Variants in ROBO2 observed in about 807,000 individuals in gnomAD.
ROBO2 encodes roundabout homolog 2.
A neutral mutation model predicts 160.8 loss-of-function variants in ROBO2; 53 were observed. The ratio of observed to expected loss-of-function variants is 0.33; its 90% CI spans 0.26 to 0.41. ROBO2 has a LOEUF of 0.41. Ranked by LOEUF, ROBO2 falls within the 10% of genes least tolerant of loss-of-function variation. ROBO2 has a pLI of 1.00. For missense variants in ROBO2, 1,577 were observed against 1,722.4 expected (o/e 0.92, Z 1.49); for synonymous variants, 664 against 611.7 (o/e 1.09, Z -1.26).
At chr3:75,949,941 C>T (rs1177754020) in intron 2 of ROBO2, among the ~76,000 whole-genome samples, 2 of 151,932 alleles carry the variant, frequency 1.3e-5, no homozygotes, top group Non-Finnish European at 2.9e-5. Context: ...ATGGCTTGTC[C>T]TTGAGAAAGA....
At chr3:76,602,402 T>C (rs1317149936) in intron 2 of ROBO2, among the ~76,000 whole-genome samples, 1 of 152,194 alleles carries the variant, frequency 6.6e-6, no homozygotes, top group African/African-American at 2.4e-5. Context: ...TTCGTTTTCA[T>C]GCTGCTGATA....
intron 2 of ROBO2, among the ~76,000 whole-genome samples, chr3:76,649,823 A>T (rs967694578): frequency 6.6e-6 from 1 of 152,176 alleles, no homozygotes; most frequent in Non-Finnish European, 1.5e-5. Context: ...AACAAAAAAG[A>T]AGAGAAAAGG....
chr3:76,810,133 C>G (rs555981172), intron 2 of ROBO2, among the ~76,000 whole-genome samples: 41 of 151,988 alleles, frequency 2.7e-4, no homozygotes, highest in African/African-American at 9.6e-4. Flanking sequence ...ACAGGAAAGT[C>G]ATGAAGGAAA....
chr3:76,303,842 T>A (rs927703103), intron 2 of ROBO2, among the ~76,000 whole-genome samples: 10 of 152,216 alleles, frequency 6.6e-5, no homozygotes, highest in African/African-American at 2.4e-4. Flanking sequence ...CTTACCTTTT[T>A]GTCTCCTATA....
chr3:76,277,089 C>T (rs1241794634), intron 2 of ROBO2, among the ~76,000 whole-genome samples: 1 of 151,974 alleles, frequency 6.6e-6, no homozygotes, highest in African/African-American at 2.4e-5. Context: ...TCTCAACCAC[C>T]CATGTGGACA....
At chr3:76,545,088 T>C (rs1197875654) in intron 2 of ROBO2, among the ~76,000 whole-genome samples, 2 of 151,906 alleles carry the variant, frequency 1.3e-5, no homozygotes, top group Admixed American at 6.6e-5. Flanking sequence ...AATCATAACA[T>C]TGACTGAACT....
At chr3:77,000,816 CTTTCACATCTAAAGTGCTTTTTAG>C (rs1364451523) in intron 2 of ROBO2, among the ~76,000 whole-genome samples, 2 of 152,002 alleles carry the variant, frequency 1.3e-5, no homozygotes, top group Non-Finnish European at 2.9e-5. Context: ...TAAAAAATAC[CTTTCACATCTAAAGTGCTTTTTAG>C]TTTAACAGTG....
rs1009656532 is a variant in ROBO2 at position 76,629,421 on chromosome 3, G to A, written c.110-468593G>A. ...TCCCACAATAGGCCCTCTGCAAGCT[G>A]AGGAGCAAAGAAGCCAGTCCAAGTT... On this transcript the variant is annotated intron_variant, in intron 2 of 26. Transcript: ENST00000487694. Among the ~76,000 whole-genome samples the A allele has an allele frequency of 5.9e-5, 9 of 152,126 alleles. No homozygotes were observed. In the South Asian group the frequency reaches 1.0e-3, roughly 18 times the overall value.
At chr3:77,483,702 T>A (rs1021545692) in intron 4 of ROBO2, among the ~76,000 whole-genome samples, 1 of 148,362 alleles carries the variant, frequency 6.7e-6, no homozygotes, top group Middle Eastern at 3.6e-3. Flanking sequence ...AAAAAATAAG[T>A]ATATATATTA....
At chr3:77,128,422 A>T (rs1472598210) in intron 2 of ROBO2, among the ~76,000 whole-genome samples, 1 of 152,192 alleles carries the variant, frequency 6.6e-6, no homozygotes, top group Admixed American at 6.5e-5. Context: ...TCAGATATCC[A>T]AGTGGGGGTT....
intron 2 of ROBO2, among the ~76,000 whole-genome samples, chr3:77,237,014 C>T (rs777491821): frequency 6.6e-6 from 1 of 152,010 alleles, no homozygotes; most frequent in Non-Finnish European, 1.5e-5. Context: ...GCTAGGACTA[C>T]AGGCACATGC....
rs371501631 is a variant in ROBO2 at position 76,663,925 on chromosome 3, G to C, written c.110-434089G>C. 6.4e-4 allele frequency among the ~76,000 whole-genome samples: 98 copies of C among 152,026 alleles called. No individual in the cohort carries two copies. In the South Asian group the frequency reaches 9.1e-3, roughly 14 times the overall value. On this transcript the variant is annotated intron_variant, in intron 2 of 26. Coordinates refer to the ROBO2 transcript ENST00000487694. Reference sequence around the variant, plus strand: ...TCTCAGGAAAAAAAAAAAAGAAAAGGCATTTAGCTGAGACAGGCCTAGAAC... The same window carrying C: ...TCTCAGGAAAAAAAAAAAAGAAAAGCCATTTAGCTGAGACAGGCCTAGAAC...
At chr3:77,262,891 G>A (rs915128601) in intron 2 of ROBO2, among the ~76,000 whole-genome samples, 1 of 152,146 alleles carries the variant, frequency 6.6e-6, no homozygotes, top group Non-Finnish European at 1.5e-5. Context: ...ATGTGATGAT[G>A]AAGGTGACAG....
chr3:77,187,913 T>G (rs2150913537), intron 2 of ROBO2, among the ~76,000 whole-genome samples: 1 of 152,028 alleles, frequency 6.6e-6, no homozygotes, highest in Admixed American at 6.6e-5. Context: ...AGTTGGTAGG[T>G]AATAAAACAT....
intron 2 of ROBO2, among the ~76,000 whole-genome samples, chr3:76,940,279 G>A (rs188424284): frequency 3.4e-4 from 52 of 152,202 alleles, no homozygotes; most frequent in Admixed American, 2.2e-3. Flanking sequence ...ACTGCGCCTC[G>A]CCGCAACAGG....
At chr3:76,954,746 C>A (rs951847195) in intron 2 of ROBO2, among the ~76,000 whole-genome samples, 2 of 152,078 alleles carry the variant, frequency 1.3e-5, no homozygotes, top group African/African-American at 4.8e-5. Flanking sequence ...ATGCAAATGA[C>A]CTTTAAAATC....
intron 2 of ROBO2, among the ~76,000 whole-genome samples, chr3:77,405,436 C>A (rs757455405): frequency 1.3e-4 from 20 of 152,006 alleles, no homozygotes; most frequent in Non-Finnish European, 2.4e-4. Flanking sequence ...CCATTCATAT[C>A]TATCTTCATA....
intron 2 of ROBO2, among the ~76,000 whole-genome samples, chr3:76,954,452 G>A (rs1170385360): frequency 6.6e-6 from 1 of 152,088 alleles, no homozygotes; most frequent in South Asian, 2.1e-4. Flanking sequence ...TACTCTAGTG[G>A]CCTCACCTGA....
At chr3:77,542,767 T>C (rs548247078) in intron 6 of ROBO2, among the ~76,000 whole-genome samples, 1 of 152,334 alleles carries the variant, frequency 6.6e-6, no homozygotes, top group South Asian at 2.1e-4. Context: ...CTGGATTCTC[T>C]GCCCCAACTT....
Sources: allele counts gnomAD v4.1 joint callset (sites outside exome capture counted in the v4.1 genomes callset), GRCh38; gene constraint gnomAD v4.1.1; transcripts MANE v1.5; gene names NCBI Gene and HGNC (gene_info 2026-07-23, HGNC 2026-07-21).